Variants in CEP70 observed in about 807,000 individuals in gnomAD.
CEP70 encodes centrosomal protein 70, also known as centrosomal protein of 70 kDa.
In CEP70, 70 loss-of-function variants were observed where a neutral mutation model predicts 90.9. The ratio of observed to expected loss-of-function variants is 0.77; its 90% CI spans 0.64 to 0.94. CEP70 has a LOEUF of 0.94. Ranked by LOEUF, CEP70 falls within the 40% of genes least tolerant of loss-of-function variation. The pLI, the probability that CEP70 is intolerant of heterozygous loss-of-function variation, is 0.00. For missense variants in CEP70, 648 were observed against 669.0 expected (o/e 0.97, Z 0.35); for synonymous variants, 220 against 228.3 (o/e 0.96, Z 0.33).
intron 2 of CEP70, among the ~76,000 whole-genome samples, chr3:138,579,403 A>C (rs1392017982): frequency 6.6e-6 from 1 of 151,852 alleles, no homozygotes; most frequent in Non-Finnish European, 1.5e-5. Flanking sequence ...GAGCATTTGC[A>C]TCACCCCTCC....
At chr3:138,562,478 C>A (rs746957268) in intron 6 of CEP70, among the ~76,000 whole-genome samples, 7 of 152,186 alleles carry the variant, frequency 4.6e-5, no homozygotes, top group Non-Finnish European at 8.8e-5. Flanking sequence ...GGGTTACCCA[C>A]AAAGGGAAGC....
chr3:138,540,934 C>A (rs1300304283), intron 6 of CEP70, among the ~76,000 whole-genome samples: 2 of 152,198 alleles, frequency 1.3e-5, no homozygotes, highest in African/African-American at 2.4e-5. Flanking sequence ...AAGATCATGT[C>A]TTTTGCGAGA....
intron 11 of CEP70, among the ~76,000 whole-genome samples, chr3:138,513,051 G>C (rs1000142859): frequency 2.1e-4 from 32 of 152,124 alleles, no homozygotes; most frequent in African/African-American, 7.7e-4. Flanking sequence ...TGTTTCTCTA[G>C]GTGAAAAGTC....
chr3:138,575,135 C>G (rs201999215), intron 2 of CEP70, among the ~76,000 whole-genome samples: 1 of 151,980 alleles, frequency 6.6e-6, no homozygotes, highest in Non-Finnish European at 1.5e-5. Flanking sequence ...TTCAGAAGGT[C>G]GGTAATAACA....
At chr3:138,529,736 A>G (rs961884472) in intron 8 of CEP70, among the ~76,000 whole-genome samples, 6 of 152,218 alleles carry the variant, frequency 3.9e-5, no homozygotes, top group Admixed American at 3.9e-4. Context: ...GCCTAGAAAA[A>G]GTATGGAATA....
At chr3:138,572,760 G>T in intron 3 of CEP70, 99 bp downstream of exon 3, 1 of 815,204 alleles carries the variant, frequency 1.2e-6, no homozygotes, top group South Asian at 1.5e-5. Context: ...AAAATTATTT[G>T]AGAAAGAATC....
At chr3:138,569,378 A>G (rs963452856) in intron 6 of CEP70, among the ~76,000 whole-genome samples, 1 of 152,212 alleles carries the variant, frequency 6.6e-6, no homozygotes, top group African/African-American at 2.4e-5. Context: ...TAAGGACTCA[A>G]TGTTTATAAT....
intron 6 of CEP70, among the ~76,000 whole-genome samples, chr3:138,563,979 G>C (rs1486303475): frequency 6.6e-6 from 1 of 152,072 alleles, no homozygotes; most frequent in East Asian, 1.9e-4. Flanking sequence ...AAAGAGAGAA[G>C]AATCAAATAG....
intron 12 of CEP70, among the ~76,000 whole-genome samples, chr3:138,506,293 G>A (rs1167101812): frequency 6.6e-6 from 1 of 152,106 alleles, no homozygotes; most frequent in Non-Finnish European, 1.5e-5. Flanking sequence ...AGGCTGCAGT[G>A]AGCTATGATA....
chr3:138,576,486 C>T (rs1460035368), intron 2 of CEP70, among the ~76,000 whole-genome samples: 1 of 152,136 alleles, frequency 6.6e-6, no homozygotes, highest in African/African-American at 2.4e-5. Context: ...GACTTAGACT[C>T]CCACACAATA....
intron 13 of CEP70, among the ~76,000 whole-genome samples, chr3:138,503,049 A>G (rs2034658166): frequency 6.6e-6 from 1 of 152,184 alleles, no homozygotes; most frequent in South Asian, 2.1e-4. Flanking sequence ...CATAAAATTC[A>G]CCATCTTAAC....
At chr3:138,496,832 T>C in intron 17 of CEP70, 1 of 985,462 alleles carries the variant, frequency 1.0e-6, no homozygotes, top group African/African-American at 1.7e-5. Flanking sequence ...CAAATGATCT[T>C]TATGAACCAT....
chr3:138,496,808 C>T (rs2033983851), intron 17 of CEP70: 3 of 985,288 alleles, frequency 3.0e-6, no homozygotes, highest in Non-Finnish European at 3.6e-6. Context: ...CCAGAGAAAC[C>T]TGGCTTTCTG....
In CEP70 at chr3:138,500,953, T is replaced by C. The variant is rs1198430676; in HGVS notation, c.1222-72A>G. The C allele has an allele frequency of 2.4e-5, 15 of 616,470 alleles. No homozygotes were observed. In the South Asian group the frequency reaches 8.5e-4, roughly 35 times the overall value. The allele number at this position is 616,470 out of a possible 1,614,324, so 38.2% of individuals were successfully genotyped here. A position where few individuals can be genotyped will look rare whatever the true frequency, so the allele number is the denominator to read the frequency against. ...CTATAGTAACATAATAGAACATAAT[T>C]AGTAAAATTATAAGTTTTATATATT... On this transcript the variant is annotated intron_variant, in intron 13 of 17. Coordinates refer to ENST00000264982, the MANE Select transcript of CEP70 (RefSeq NM_024491.4).
At chr3:138,540,544 T>C (rs2038674216) in intron 6 of CEP70, among the ~76,000 whole-genome samples, 1 of 146,424 alleles carries the variant, frequency 6.8e-6, no homozygotes, top group Non-Finnish European at 1.5e-5. Flanking sequence ...AAAACCACAA[T>C]GAGATACCAT....
intron 6 of CEP70, among the ~76,000 whole-genome samples, chr3:138,559,230 T>C (rs1011219710): frequency 1.3e-4 from 20 of 151,900 alleles, no homozygotes; most frequent in African/African-American, 4.4e-4. Context: ...ATGAAAGACA[T>C]AGGGTAGTCA....
intron 6 of CEP70, among the ~76,000 whole-genome samples, chr3:138,549,967 A>G (rs142200834): frequency 9.7e-4 from 148 of 152,206 alleles, no homozygotes; most frequent in African/African-American, 3.5e-3. Flanking sequence ...AGAAATAACA[A>G]TCATTACAGC....
intron 6 of CEP70, among the ~76,000 whole-genome samples, chr3:138,545,803 G>A (rs1056310131): frequency 6.6e-6 from 1 of 152,038 alleles, no homozygotes; most frequent in Admixed American, 6.6e-5. Context: ...AATACACCCT[G>A]GTCTCCTGCA....
At chr3:138,545,706 C>T (rs1207195455) in intron 6 of CEP70, among the ~76,000 whole-genome samples, 2 of 152,104 alleles carry the variant, frequency 1.3e-5, no homozygotes, top group African/African-American at 4.8e-5. Flanking sequence ...ATAATTAATA[C>T]CCTGGGGAAG....
Sources: allele counts gnomAD v4.1 joint callset (sites outside exome capture counted in the v4.1 genomes callset), GRCh38; gene constraint gnomAD v4.1.1; transcripts MANE v1.5; gene names NCBI Gene and HGNC (gene_info 2026-07-23, HGNC 2026-07-21).